SLC44A5: variants seen among roughly 807,000 people sequenced by gnomAD.
The protein encoded by SLC44A5 is choline transporter-like protein 5.
Under a neutral mutation model 101.8 loss-of-function variants are expected in SLC44A5, and 57 were observed. The observed-to-expected ratio is 0.56, with a 90% CI of 0.45 to 0.70. The LOEUF (loss-of-function observed/expected upper bound fraction) is 0.70. SLC44A5 is among the 30% of genes least tolerant of loss of function. The pLI is 0.00. For synonymous variants in SLC44A5, 281 were observed against 290.9 expected (o/e 0.97, Z 0.35); for missense variants, 737 against 853.1 (o/e 0.86, Z 1.70).
At chr1:75,498,277 C>A (rs1025085142) in intron 2 of SLC44A5, among the ~76,000 whole-genome samples, 3 of 152,108 alleles carry the variant, frequency 2.0e-5, no homozygotes, top group Non-Finnish European at 4.4e-5. Context: ...ATGTACACTG[C>A]ACCTGCTCAG....
At chr1:75,457,708 A>G (rs1311549379) in intron 2 of SLC44A5, among the ~76,000 whole-genome samples, 1 of 152,096 alleles carries the variant, frequency 6.6e-6, no homozygotes, top group Non-Finnish European at 1.5e-5. Context: ...AAATACAAAA[A>G]CTAGCCGGGC....
intron 4 of SLC44A5, among the ~76,000 whole-genome samples, chr1:75,317,857 C>T (rs12737649): frequency 1.4e-4 from 22 of 152,236 alleles, no homozygotes; most frequent in Admixed American, 5.2e-4. Context: ...ATGGCCTTCT[C>T]TAAACCTAAG....
chr1:75,326,064 A>G (rs1656567713), intron 4 of SLC44A5, among the ~76,000 whole-genome samples: 1 of 145,732 alleles, frequency 6.9e-6, no homozygotes, highest in Non-Finnish European at 1.5e-5. Context: ...TTTTATTTTA[A>G]ATTTTCAGAT....
the SLC44A5 span, chr1:75,641,512 T>G: frequency 6.8e-7 from 1 of 1,470,134 alleles, no homozygotes; most frequent in Non-Finnish European, 9.5e-7. Context: ...CATTGTGATC[T>G]TCTGCACTGA....
At chr1:75,388,113 A>T (rs1328650136) in intron 3 of SLC44A5, among the ~76,000 whole-genome samples, 5 of 140,792 alleles carry the variant, frequency 3.6e-5, no homozygotes, top group Non-Finnish European at 7.7e-5. Context: ...CTAATGCTAG[A>T]TGACGAGTTA....
chr1:75,318,427 GA>G (rs1655882024), intron 4 of SLC44A5, among the ~76,000 whole-genome samples: 1 of 126,596 alleles, frequency 7.9e-6, no homozygotes, highest in Non-Finnish European at 1.8e-5. Flanking sequence ...AAGAAAGAAA[GA>G]AAGAAATCTG....
chr1:75,271,383 C>T (rs1350029438), intron 6 of SLC44A5, among the ~76,000 whole-genome samples: 2 of 151,798 alleles, frequency 1.3e-5, no homozygotes, highest in East Asian at 1.9e-4. Flanking sequence ...GATTTTAGCG[C>T]ACCCATCTCT....
intron 2 of SLC44A5, among the ~76,000 whole-genome samples, chr1:75,464,796 T>A (rs1468584950): frequency 6.6e-6 from 1 of 152,172 alleles, no homozygotes; most frequent in Non-Finnish European, 1.5e-5. Context: ...GGTCTCTGTA[T>A]AATGATAAAG....
the SLC44A5 span, among the ~76,000 whole-genome samples, chr1:75,616,732 G>A: frequency 1.3e-5 from 2 of 152,224 alleles, no homozygotes; most frequent in Non-Finnish European, 2.9e-5. Flanking sequence ...GGAGAGAAAT[G>A]GAATTCCAGA....
At chr1:75,238,082 C>G (rs2100587277) in intron 10 of SLC44A5, among the ~76,000 whole-genome samples, 1 of 151,836 alleles carries the variant, frequency 6.6e-6, no homozygotes, top group East Asian at 1.9e-4. Flanking sequence ...TTCTTTATGT[C>G]ACACTTCTAT....
At chr1:75,320,912 G>T (rs534159310) in intron 4 of SLC44A5, among the ~76,000 whole-genome samples, 57 of 152,114 alleles carry the variant, frequency 3.7e-4, no homozygotes, top group Non-Finnish European at 6.8e-4. Context: ...ACATGACCGT[G>T]TTTCAGAAAA....
At chr1:75,567,703 AT>A (rs1458015873) in intron 1 of SLC44A5, among the ~76,000 whole-genome samples, 5 of 152,182 alleles carry the variant, frequency 3.3e-5, no homozygotes, top group African/African-American at 1.2e-4. Context: ...AATGCTTAAG[AT>A]TTAGGGTCTG....
intron 1 of SLC44A5, among the ~76,000 whole-genome samples, chr1:75,547,759 TC>T (rs1301768965): frequency 2.6e-5 from 4 of 152,216 alleles, no homozygotes; most frequent in Non-Finnish European, 5.9e-5. Flanking sequence ...ACCTGCTCAT[TC>T]CTCTTAAGAA....
At chr1:75,333,433 A>G (rs890931535) in intron 4 of SLC44A5, among the ~76,000 whole-genome samples, 20 of 148,342 alleles carry the variant, frequency 1.3e-4, no homozygotes, top group Non-Finnish European at 2.2e-4. Context: ...TTATTCCTCA[A>G]TATATGAGCT....
chr1:75,329,994 A>G (rs1656896046), intron 4 of SLC44A5, among the ~76,000 whole-genome samples: 1 of 151,834 alleles, frequency 6.6e-6, no homozygotes, highest in Non-Finnish European at 1.5e-5. Context: ...GGTATCTAAT[A>G]TATGCCCACA....
At chr1:75,472,191 G>T (rs999266407) in intron 2 of SLC44A5, among the ~76,000 whole-genome samples, 1 of 151,920 alleles carries the variant, frequency 6.6e-6, no homozygotes, top group African/African-American at 2.4e-5. Context: ...GAATAAAAAG[G>T]CTTCATGGAA....
intron 2 of SLC44A5, among the ~76,000 whole-genome samples, chr1:75,472,617 C>CT (rs1485587283): frequency 6.6e-6 from 1 of 152,168 alleles, no homozygotes; most frequent in Non-Finnish European, 1.5e-5. Context: ...ATTCAACTCA[C>CT]TTTTTTCTAG....
intron 3 of SLC44A5, chr1:75,354,014 C>G (rs764173391): frequency 2.0e-5 from 7 of 349,758 alleles, no homozygotes; most frequent in South Asian, 1.6e-4. Context: ...TAACACATGA[C>G]CTTTCACTCA....
At chr1:75,466,915 T>G (rs778188403) in intron 2 of SLC44A5, among the ~76,000 whole-genome samples, 7 of 152,158 alleles carry the variant, frequency 4.6e-5, no homozygotes, top group Non-Finnish European at 7.3e-5. Context: ...TTGCAGATGA[T>G]ATGATTTTGT....
Sources: allele counts gnomAD v4.1 joint callset (sites outside exome capture counted in the v4.1 genomes callset), GRCh38; gene constraint gnomAD v4.1.1; transcripts MANE v1.5; gene names NCBI Gene and HGNC (gene_info 2026-07-23, HGNC 2026-07-21).